TMEM132D: variants seen among roughly 807,000 people sequenced by gnomAD.
TMEM132D encodes transmembrane protein 132D.
Under a neutral mutation model 62.3 loss-of-function variants are expected in TMEM132D, and 21 were observed. The ratio of observed to expected loss-of-function variants is 0.34; its 90% confidence interval spans 0.24 to 0.49. The LOEUF (loss-of-function observed/expected upper bound fraction) is 0.49, where lower values mean the gene tolerates loss of function less well. Among genes scored for constraint, TMEM132D ranks in the 20% least tolerant of loss-of-function variants. TMEM132D has a pLI of 0.99. For missense variants in TMEM132D, 1,346 were observed against 1,402.8 expected, an observed-to-expected ratio of 0.96 and a Z score of 0.65; for synonymous variants, 621 against 575.6, an observed-to-expected ratio of 1.08 and a Z score of -1.13.
At chr12:129,308,569 T>C (rs1230135052) in intron 4 of TMEM132D, among the ~76,000 whole-genome samples, 1 of 152,212 alleles carries the variant, frequency 6.6e-6, no homozygotes, top group East Asian at 1.9e-4. Flanking sequence ...GCCTTCAAAA[T>C]ACTCGATGAC....
intron 2 of TMEM132D, among the ~76,000 whole-genome samples, chr12:129,607,097 G>A (rs1161200970): frequency 1.4e-5 from 2 of 145,754 alleles, no homozygotes; most frequent in Admixed American, 1.4e-4. Flanking sequence ...TAGTCACTCT[G>A]CAATTGGGGA....
chr12:129,397,663 C>G (rs185146718), intron 3 of TMEM132D, among the ~76,000 whole-genome samples: 2 of 152,174 alleles, frequency 1.3e-5, no homozygotes, highest in Non-Finnish European at 2.9e-5. Context: ...CTAACATAAT[C>G]AGTGATTGTG....
intron 4 of TMEM132D, among the ~76,000 whole-genome samples, chr12:129,265,328 A>G (rs1404282343): frequency 1.3e-5 from 2 of 152,196 alleles, no homozygotes; most frequent in Non-Finnish European, 2.9e-5. Flanking sequence ...TAGGAAGCTA[A>G]AAGAACAAAT....
chr12:129,830,530 C>G (rs2097863484), intron 1 of TMEM132D, among the ~76,000 whole-genome samples: 1 of 152,102 alleles, frequency 6.6e-6, no homozygotes, highest in South Asian at 2.1e-4. Context: ...CTGGAAGCCC[C>G]CTCCCTGCTT....
At chr12:129,745,320 G>A (rs934166244) in intron 1 of TMEM132D, among the ~76,000 whole-genome samples, 36 of 152,186 alleles carry the variant, frequency 2.4e-4, no homozygotes, top group African/African-American at 7.7e-4. Context: ...TAGAATATTT[G>A]CTTGTGGCAG....
rs1322261711 is a variant in TMEM132D at position 129,827,196 on chromosome 12, T to C, written c.79+76065A>G. ...TCTTCTGCTAAGCTCTCCCCAGGCT[T>C]GACCTTTTAAATTCTTAAGGCTGTC... On this transcript the variant is annotated intron_variant, in intron 1 of 8. Coordinates refer to ENST00000422113, the MANE Select transcript of TMEM132D (RefSeq NM_133448.3). The surrounding 1 kb of genome is among the most constrained non-coding windows in gnomAD (Gnocchi z 9.7). Among the ~76,000 whole-genome samples the C allele has an allele frequency of 6.6e-6, 1 of 152,224 alleles. No individual in the cohort carries two copies. The highest frequency in any genetic ancestry group is 1.5e-5 in the Non-Finnish European group (1 of 68,042).
chr12:129,292,315 T>C (rs552818290), intron 4 of TMEM132D, among the ~76,000 whole-genome samples: 6 of 152,322 alleles, frequency 3.9e-5, no homozygotes, highest in South Asian at 2.1e-4. Flanking sequence ...AGAGAAACAA[T>C]GGAAGAAGCC....
At chr12:129,593,631 G>A (rs915212705) in intron 2 of TMEM132D, among the ~76,000 whole-genome samples, 2 of 152,150 alleles carry the variant, frequency 1.3e-5, no homozygotes, top group East Asian at 1.9e-4. Flanking sequence ...GGGAAAGACC[G>A]GTAATTGTCA....
chr12:129,569,035 T>A (rs1012413506), intron 2 of TMEM132D, among the ~76,000 whole-genome samples: 1 of 152,170 alleles, frequency 6.6e-6, no homozygotes, highest in Non-Finnish European at 1.5e-5. Flanking sequence ...ATCTAACAAA[T>A]GCTGCTGGTC....
chr12:129,097,536 C>T (rs936318017), intron 5 of TMEM132D, among the ~76,000 whole-genome samples: 11 of 152,144 alleles, frequency 7.2e-5, no homozygotes, highest in African/African-American at 2.7e-4. Context: ...TAGCATCTTC[C>T]ACAAAGAACA....
intron 2 of TMEM132D, among the ~76,000 whole-genome samples, chr12:129,634,473 CAAAAAA>C (rs71451324): frequency 7.7e-6 from 1 of 129,474 alleles, no homozygotes; most frequent in South Asian, 2.6e-4. Context: ...AACCTTGTCT[CAAAAAA>C]AAAAAAAAAA....
intron 5 of TMEM132D, among the ~76,000 whole-genome samples, chr12:129,087,387 A>C (rs1312496331): frequency 6.6e-6 from 1 of 151,518 alleles, no homozygotes. Context: ...AGAGACACTT[A>C]GGTTGTTTCC....
At chr12:129,798,157 G>A (rs1183517489) in intron 1 of TMEM132D, among the ~76,000 whole-genome samples, 4 of 152,186 alleles carry the variant, frequency 2.6e-5, no homozygotes, top group Admixed American at 6.5e-5. Flanking sequence ...ACCGGAAGCT[G>A]AGCAGATGCC....
intron 2 of TMEM132D, among the ~76,000 whole-genome samples, chr12:129,695,370 G>A (rs761914700): frequency 3.3e-5 from 5 of 152,184 alleles, no homozygotes; most frequent in Non-Finnish European, 5.9e-5. Flanking sequence ...AACTAGCGGG[G>A]ACATATGGGA....
Position 129,074,421 on chromosome 12 carries a change from A to G in TMEM132D, c.2754T>C (p.Ile918=). The G allele has an allele frequency of 6.2e-7, 1 of 1,614,008 alleles. No individual in the cohort carries two copies. The highest frequency in any genetic ancestry group is 8.5e-7 in the Non-Finnish European group (1 of 1,180,014). The change falls in exon 9 of 9, where the codon ATT becomes ATC. Residue 918 remains isoleucine (I), a synonymous_variant. Transcript: ENST00000422113. Reference sequence around the variant, plus strand: ...AGACTCCCAACAAAGCATACATCCCAATTTCTAAGTCGCTCAGCCCTTTGG... The same window carrying G: ...AGACTCCCAACAAAGCATACATCCCGATTTCTAAGTCGCTCAGCCCTTTGG... ...QASKGLSDLE[I]GMYALLGVFC...
chr12:129,737,200 T>C (rs2137256606), intron 1 of TMEM132D, among the ~76,000 whole-genome samples: 1 of 152,320 alleles, frequency 6.6e-6, no homozygotes, highest in Non-Finnish European at 1.5e-5. Flanking sequence ...TGTTGTAGGA[T>C]GTTTAGCAGC....
chr12:129,553,404 C>T (rs1876957902), intron 2 of TMEM132D, among the ~76,000 whole-genome samples: 2 of 152,182 alleles, frequency 1.3e-5, no homozygotes, highest in East Asian at 1.9e-4. Context: ...TAACATTTAC[C>T]CCATGATAGG....
intron 2 of TMEM132D, among the ~76,000 whole-genome samples, chr12:129,649,915 CGT>C (rs1437465669): frequency 2.0e-5 from 3 of 149,410 alleles, no homozygotes; most frequent in South Asian, 2.1e-4. Flanking sequence ...TCTATGTGTA[CGT>C]GTGTGTGTAT....
intron 8 of TMEM132D, among the ~76,000 whole-genome samples, chr12:129,076,706 G>GAAACT (rs1348141650): frequency 6.6e-6 from 1 of 152,230 alleles, no homozygotes; most frequent in African/African-American, 2.4e-5. Flanking sequence ...CGGAGTTCTT[G>GAAACT]AAACTACCAC....
Sources: allele counts gnomAD v4.1 joint callset (sites outside exome capture counted in the v4.1 genomes callset), GRCh38; gene constraint gnomAD v4.1.1; non-coding constraint Gnocchi (gnomAD v3.1); transcripts MANE v1.5; gene names NCBI Gene and HGNC (gene_info 2026-07-23, HGNC 2026-07-21).